KHSRP: variants seen among roughly 807,000 people sequenced by gnomAD.
KHSRP encodes the protein far upstream element-binding protein 2.
KHSRP carries 13 observed loss-of-function variants against 94.9 expected under a neutral mutation model. That is an observed-to-expected ratio of 0.14 (90% CI 0.09 to 0.22). The LOEUF (loss-of-function observed/expected upper bound fraction) is 0.22, where lower values mean the gene tolerates loss of function less well. Among genes scored for constraint, KHSRP ranks in the 10% least tolerant of loss-of-function variants. The pLI, the probability that KHSRP is intolerant of heterozygous loss-of-function variation, is 1.00. For missense variants in KHSRP, 710 were observed against 1,010.0 expected (o/e 0.70, Z 4.03); for synonymous variants, 495 against 401.4 (o/e 1.23, Z -2.79).
At chr19:6,424,410 C>G in intron 1 of KHSRP, 43 bp downstream of exon 1, 1 of 849,176 alleles carries the variant, frequency 1.2e-6, no homozygotes, top group Non-Finnish European at 1.4e-6. Flanking sequence ...CCCCCGCCTG[C>G]GCGCGCGCGC....
chr19:6,422,522 G>T, intron 1 of KHSRP, 86 bp from the exon 2 acceptor site: 1 of 963,150 alleles, frequency 1.0e-6, no homozygotes, highest in Non-Finnish European at 1.6e-6. Context: ...ACATCTCCTG[G>T]ACACGAAAGC....
At chr19:6,419,873 GAAAATA>G (rs2092184704) in intron 6 of KHSRP, among the ~76,000 whole-genome samples, 194 bp downstream of exon 6, 1 of 152,166 alleles carries the variant, frequency 6.6e-6, no homozygotes, top group Non-Finnish European at 1.5e-5. Context: ...CCCACCCACT[GAAAATA>G]AAAAAAGTCA....
In KHSRP at chr19:6,424,741, A is replaced by AGGAGGC. The variant is rs1440101085; in HGVS notation, c.-46_-41dup. ...GGGCCTGGCGCGGAGGCTGAAGCTG[A>AGGAGGC]GGAGGCGGCGGCGGCGGCGGCGGCT... On this transcript the variant is annotated 5_prime_UTR_variant, in exon 1 of 19. Coordinates refer to ENST00000600480, the MANE Select transcript of KHSRP (RefSeq NM_001366299.1). 1.1e-6 allele frequency: 1 copy of AGGAGGC among 944,888 alleles called. No individual in the cohort carries two copies. The highest frequency in any genetic ancestry group is 1.3e-6 in the Non-Finnish European group (1 of 777,834). 58.5% of individuals were successfully genotyped at this position (944,888 alleles called of 1,614,324 possible).
At chr19:6,420,979 G>A (rs1033132142) in intron 4 of KHSRP, 1 of 448,970 alleles carries the variant, frequency 2.2e-6, no homozygotes, top group Non-Finnish European at 4.0e-6. Flanking sequence ...CCTCTTCCAG[G>A]AAGACGACAT....
At chr19:6,420,201 TCAGGAGACTGTGTGG>T in intron 5 of KHSRP, 57 bp from the exon 6 acceptor site, 2 of 1,492,722 alleles carry the variant, frequency 1.3e-6, no homozygotes, top group Non-Finnish European at 1.8e-6. Context: ...AGCCCAGGCC[TCAGGAGACTGTGTGG>T]CCGGGGCCCC....
At position 6,418,001 on chromosome 19, in the gene KHSRP, G is replaced by A; in HGVS notation, c.958C>T (p.Arg320Trp). The A allele has an allele frequency of 6.2e-7, 1 of 1,613,894 alleles. No homozygotes were observed. Among genetic ancestry groups the A allele is most frequent in the South Asian group, 1.1e-5 (1 of 91,076 alleles). ...CTCACATCGATGCCTCCGCCAATCC[G>A]AGATCCGTACTCATTCCGGTCCCCA... The part of the protein sequence containing the change: ...GFGDRNEYGS[R>W]IGGGIDVPVP... The change falls in exon 10 of 19, where the codon CGG becomes TGG. Residue 320 changes from arginine (R) to tryptophan (W), a missense_variant. Coordinates refer to ENST00000600480, the MANE Select transcript of KHSRP (RefSeq NM_001366299.1). The surrounding 1 kb of genome is among the most constrained non-coding windows in gnomAD (Gnocchi z 4.3).
rs2092170392 is a variant in KHSRP at position 6,418,429 on chromosome 19, C to T, written c.879+54G>A. The T allele has an allele frequency of 7.4e-6, 10 of 1,343,098 alleles. No individual in the cohort carries two copies. Among genetic ancestry groups the T allele is most frequent in the Non-Finnish European group, 1.1e-6 (1 of 942,064 alleles). 83.2% of individuals were successfully genotyped at this position (1,343,098 alleles called of 1,614,324 possible). ...GCAGACCCCGAGACCGCTGGCCCTG[C>T]CCACCTGCCCGTGCCTCTCCAGAAC... On this transcript the variant is annotated intron_variant, in intron 9 of 18. Transcript: ENST00000600480. This position sits in a 1 kb window ranked among gnomAD's most constrained non-coding sequence, Gnocchi z 4.3.
chr19:6,414,844 G>C lies in KHSRP; in HGVS notation c.*180C>G, dbSNP rs2092130987. On this transcript the variant is annotated 3_prime_UTR_variant, in exon 19 of 19. Transcript: ENST00000600480. ...TGTCTGCCTGCCCCCCGACTCCCCAGCAGTTCAGAAGTCCCGCCTGCGAGT... is the reference window on the plus strand; with the variant it reads ...TGTCTGCCTGCCCCCCGACTCCCCACCAGTTCAGAAGTCCCGCCTGCGAGT... 42 of 1,259,134 alleles carry C rather than the reference G, an allele frequency of 3.3e-5. No homozygotes were observed. Among genetic ancestry groups the C allele is most frequent in the Non-Finnish European group, 4.1e-5 (41 of 1,000,496 alleles). The allele number at this position is 1,259,134 out of a possible 1,614,324, so 78.0% of individuals were successfully genotyped here.
Position 6,415,369 on chromosome 19 carries a change from T to G in KHSRP, c.1966+11A>C. 1 of 1,608,262 alleles carries G rather than the reference T, an allele frequency of 6.2e-7. No individual in the cohort carries two copies. The highest frequency in any genetic ancestry group is 8.5e-7 in the Non-Finnish European group (1 of 1,177,508). ...TGCCCCTGCCCCTGTCCCCGCATGG[T>G]GGCCACTCACCTTGCTTCTTGTAGT... On this transcript the variant is annotated intron_variant, in intron 18 of 18. Coordinates refer to ENST00000600480, the MANE Select transcript of KHSRP (RefSeq NM_001366299.1).
At position 6,418,043 on chromosome 19, in the gene KHSRP, G is replaced by A. The variant is rs1053904540; in HGVS notation, c.916C>T (p.Arg306Cys). The change falls in exon 10 of 19, where the codon CGT (arginine) becomes TGT (cysteine). Residue 306 changes from arginine (R) to cysteine (C), a missense_variant. Physicochemically the swap from Arg to Cys is radical, Grantham distance 180. Transcript: ENST00000600480. The surrounding 1 kb of genome is among the most constrained non-coding windows in gnomAD (Gnocchi z 4.3). ...CEMVMDILRE[R>C]DQGGFGDRNE... ...CGGTCCCCAAAGCCGCCTTGGTCAC[G>A]TTCCCGGAGGATGTCCATCACCATC... 1 of 1,613,898 alleles carries A rather than the reference G, an allele frequency of 6.2e-7. No homozygotes were observed. The highest frequency in any genetic ancestry group is 8.5e-7 in the Non-Finnish European group (1 of 1,179,858).
chr19:6,421,102 G>A (rs1436920505), intron 4 of KHSRP, 176 bp downstream of exon 4: 5 of 635,408 alleles, frequency 7.9e-6, no homozygotes, highest in African/African-American at 7.4e-5. Flanking sequence ...CAGACAAGGG[G>A]TACGAGGAAC....
chr19:6,419,295 G>C (rs2860163), intron 6 of KHSRP, 35 bp from the exon 7 acceptor site: 76,772 of 1,533,870 alleles, frequency 0.05, 2,331 homozygotes, highest in Non-Finnish European at 0.059. Flanking sequence ...GCCCTCCCTG[G>C]CCCACAGGCA....
chr19:6,413,319 G>C lies in KHSRP; in HGVS notation c.*1705C>G, dbSNP rs931922819. On this transcript the variant is annotated 3_prime_UTR_variant, in exon 19 of 19. Coordinates refer to ENST00000600480, the MANE Select transcript of KHSRP (RefSeq NM_001366299.1). ...AAAACTACAGGGAGGGAAGGAAAGG[G>C]GGGGAGACAGACAGCACCCGCAGAC... The C allele has an allele frequency of 2.4e-5, 7 of 297,428 alleles. No homozygotes were observed. The highest frequency in any genetic ancestry group is 1.4e-4 in the African/African-American group (6 of 43,690). The allele number at this position is 297,428 out of a possible 1,614,324, so 18.4% of individuals were successfully genotyped here. A position where few individuals can be genotyped will look rare whatever the true frequency, so the allele number is the denominator to read the frequency against.
At position 6,417,871 on chromosome 19, in the gene KHSRP, G is replaced by C. The variant is rs779182233; in HGVS notation, c.979-30C>G. The C allele has an allele frequency of 6.2e-6, 10 of 1,607,330 alleles. No individual in the cohort carries two copies. The East Asian group carries it at 2.0e-4, about 32-fold the overall frequency. ...GGAGGGAGGCAGCAGCGTCAGCTCG[G>C]CCCGCAGCTCTGCTGCCCTCTGCTG... On this transcript the variant is annotated intron_variant, in intron 10 of 18. Transcript: ENST00000600480.
At chr19:6,419,093 C>T (rs998174607) in intron 7 of KHSRP, 110 bp downstream of exon 7, 2 of 1,205,824 alleles carry the variant, frequency 1.7e-6, no homozygotes, top group Admixed American at 2.4e-5. Flanking sequence ...GAGATGGGGG[C>T]AAGAATGGAG....
chr19:6,415,765 G>C (rs761172391), intron 16 of KHSRP, 31 bp from the exon 17 acceptor site: 2 of 1,552,206 alleles, frequency 1.3e-6, no homozygotes, highest in Admixed American at 2.0e-5. Flanking sequence ...GAGACGGGGG[G>C]ACAGAACAGG....
Position 6,420,059 on chromosome 19 carries a change from T to TGAC in KHSRP, c.547+11_547+13dup. ...CCTGGCCCCCACTCTGGCAGGAACC[T>TGAC]GACGCTCTTATACCTGGAGAAATCT... is the stretch of plus-strand genomic sequence containing the variant. On this transcript the variant is annotated intron_variant, in intron 6 of 18. Coordinates refer to ENST00000600480, the MANE Select transcript of KHSRP (RefSeq NM_001366299.1). 6.2e-7 allele frequency: 1 copy of TGAC among 1,607,362 alleles called. No individual in the cohort carries two copies. Among genetic ancestry groups the TGAC allele is most frequent in the South Asian group, 1.1e-5 (1 of 90,852 alleles).
In KHSRP at chr19:6,424,753, C is replaced by A; in HGVS notation, c.-52G>T. The A allele has an allele frequency of 1.2e-6, 1 of 826,880 alleles. No individual in the cohort carries two copies. 51.2% of individuals were successfully genotyped at this position (826,880 alleles called of 1,614,324 possible). On this transcript the variant is annotated 5_prime_UTR_variant, in exon 1 of 19. Transcript: ENST00000600480. ...GAGGCTGAAGCTGAGGAGGCGGCGG[C>A]GGCGGCGGCGGCTCAACGCGGGAAC... is the stretch of plus-strand genomic sequence containing the variant.
At chr19:6,421,021 G>A in intron 4 of KHSRP, 3 of 521,544 alleles carry the variant, frequency 5.8e-6, no homozygotes, top group Non-Finnish European at 6.8e-6. Context: ...CCCCAGCGGA[G>A]GAAGCCATAG....
Sources: gnomAD v4.1 joint callset for allele counts (sites outside exome capture counted in the v4.1 genomes callset) on GRCh38, gnomAD v4.1.1 for gene constraint, Gnocchi (gnomAD v3.1) non-coding constraint, MANE v1.5 for transcripts, NCBI Gene and HGNC (gene_info 2026-07-23, HGNC 2026-07-21) for gene names.